The following PSMG3 variants were observed in gnomAD, a reference collection of about 807,000 sequenced individuals.
PSMG3 encodes the protein PAC-3.
A neutral mutation model predicts 7.9 loss-of-function variants in PSMG3; 4 were observed. The ratio of observed to expected loss-of-function variants is 0.51; its 90% CI spans 0.25 to 1.16. PSMG3 has a LOEUF of 1.16. Among genes scored for constraint, PSMG3 ranks in the 50% most tolerant of loss-of-function variants. The probability of loss-of-function intolerance (pLI) is 0.15; values close to 1 mark genes in which losing one functional copy is unlikely to be tolerated. For synonymous variants in PSMG3, 81 were observed against 69.8 expected, an observed-to-expected ratio of 1.16 and a Z score of -0.80; for missense variants, 151 against 157.4, an observed-to-expected ratio of 0.96 and a Z score of 0.22.
In PSMG3 at chr7:1,567,380, A is replaced by G. The variant is rs956784036; in HGVS notation, c.*318T>C. On this transcript the variant is annotated 3_prime_UTR_variant, in exon 2 of 2. Coordinates refer to ENST00000288607, the MANE Select transcript of PSMG3 (RefSeq NM_032302.4). The stretch of plus-strand genomic sequence containing the variant: ...AATAAAAAAGAAATTTCCTCCTACA[A>G]TTGATCCTGCACACGGGGGGGCCAT... 1.1e-5 allele frequency: 3 copies of G among 273,358 alleles called. No individual in the cohort carries two copies. The highest frequency in any genetic ancestry group is 1.0e-3 in the Middle Eastern group (1 of 980). 16.9% of individuals were successfully genotyped at this position (273,358 alleles called of 1,614,324 possible).
Position 1,567,594 on chromosome 7 carries a change from A to G in PSMG3, c.*104T>C. The G allele has an allele frequency of 8.2e-7, 1 of 1,214,348 alleles. No homozygotes were observed. The highest frequency in any genetic ancestry group is 1.1e-6 in the Non-Finnish European group (1 of 872,188). The allele number at this position is 1,214,348 out of a possible 1,614,324, so 75.2% of individuals were successfully genotyped here. A position where few individuals can be genotyped will look rare whatever the true frequency, so the allele number is the denominator to read the frequency against. ...TTTCCTGGCTCCAAGGGCTAGTGCCAAAGTTCCTCCCTCCACCGGGGAGGG... is the reference window on the plus strand; with the variant it reads ...TTTCCTGGCTCCAAGGGCTAGTGCCGAAGTTCCTCCCTCCACCGGGGAGGG... On this transcript the variant is annotated 3_prime_UTR_variant, in exon 2 of 2. Transcript: ENST00000288607.
At position 1,567,853 on chromosome 7, in the gene PSMG3, G is replaced by A. The variant is rs368414635; in HGVS notation, c.217-3C>T. The stretch of plus-strand genomic sequence containing the variant: ...TTTGCAAAGACATGGATGAGAGGCT[G>A]GTAAAGGAAGGAGAAGAAACCATTT... On this transcript the variant is annotated splice_region_variant and splice_polypyrimidine_tract_variant and intron_variant, in intron 1 of 1. Transcript: ENST00000288607. 6 of 1,611,194 alleles carry A rather than the reference G, an allele frequency of 3.7e-6. No individual in the cohort carries two copies. Among genetic ancestry groups the A allele is most frequent in the Non-Finnish European group, 5.1e-6 (6 of 1,179,108 alleles).
Position 1,569,467 on chromosome 7 carries a change from A to C in PSMG3, c.-128T>G. The C allele has an allele frequency of 1.3e-6, 1 of 775,978 alleles. No homozygotes were observed. The allele number at this position is 775,978 out of a possible 1,614,324, so 48.1% of individuals were successfully genotyped here. ...GGGGCATTGAAACGGAAACGCAAGG[A>C]GGCCCATTCAAAAGAAGGGGCCAGG... is the stretch of plus-strand genomic sequence containing the variant. On this transcript the variant is annotated 5_prime_UTR_variant, in exon 1 of 2. Transcript: ENST00000288607.
rs1778795263 is a variant in PSMG3 at position 1,567,483 on chromosome 7, C to G, written c.*215G>C. On this transcript the variant is annotated 3_prime_UTR_variant, in exon 2 of 2. Coordinates refer to ENST00000288607, the MANE Select transcript of PSMG3 (RefSeq NM_032302.4). Reference sequence around the variant, plus strand: ...AGGTCCTGGTGAGAACCATTCACGACTCCTCCGGGACCTGTTCCACCCTCC... The same window carrying G: ...AGGTCCTGGTGAGAACCATTCACGAGTCCTCCGGGACCTGTTCCACCCTCC... 2.2e-6 allele frequency: 1 copy of G among 453,602 alleles called. No individual in the cohort carries two copies. The allele number at this position is 453,602 out of a possible 1,614,324, so 28.1% of individuals were successfully genotyped here.
Position 1,568,537 on chromosome 7 carries a change from C to T in PSMG3, c.216+587G>A, listed in dbSNP as rs369146643. On this transcript the variant is annotated intron_variant, in intron 1 of 1. Coordinates refer to ENST00000288607, the MANE Select transcript of PSMG3 (RefSeq NM_032302.4). ...CTGGAGCGCAGTGGCACAATCATGG[C>T]TCACTGCAGCCTCAACCTCCAGGGC... Among the ~76,000 whole-genome samples the T allele has an allele frequency of 1.6e-4, 24 of 152,022 alleles. No individual in the cohort carries two copies. In the East Asian group the frequency reaches 4.5e-3, roughly 28 times the overall value.
Position 1,567,603 on chromosome 7 carries a change from C to A in PSMG3, c.*95G>T. ...TCCAAGGGCTAGTGCCAAAGTTCCT[C>A]CCTCCACCGGGGAGGGAGGTGAGAC... On this transcript the variant is annotated 3_prime_UTR_variant, in exon 2 of 2. Coordinates refer to ENST00000288607, the MANE Select transcript of PSMG3 (RefSeq NM_032302.4). 1 of 1,303,804 alleles carries A rather than the reference C, an allele frequency of 7.7e-7. No individual in the cohort carries two copies. The highest frequency in any genetic ancestry group is 1.4e-5 in the South Asian group (1 of 69,564). The allele number at this position is 1,303,804 out of a possible 1,614,324, so 80.8% of individuals were successfully genotyped here.
Position 1,567,612 on chromosome 7 carries a change from G to A in PSMG3, c.*86C>T, listed in dbSNP as rs984687374. The A allele has an allele frequency of 5.6e-5, 78 of 1,383,208 alleles. No individual in the cohort carries two copies. Among genetic ancestry groups the A allele is most frequent in the Admixed American group, 9.2e-5 (4 of 43,668 alleles). The allele number at this position is 1,383,208 out of a possible 1,614,324, so 85.7% of individuals were successfully genotyped here. On this transcript the variant is annotated 3_prime_UTR_variant, in exon 2 of 2. Transcript: ENST00000288607. ...TAGTGCCAAAGTTCCTCCCTCCACC[G>A]GGGAGGGAGGTGAGACTTGAGTCCC...
Position 1,567,878 on chromosome 7 carries a change from T to G in PSMG3, c.217-28A>C, listed in dbSNP as rs753022845. The G allele has an allele frequency of 2.5e-6, 4 of 1,605,580 alleles. No individual in the cohort carries two copies. In the African/African-American group the frequency reaches 5.4e-5, roughly 22 times the overall value. ...GGTAAAGGAAGGAGAAGAAACCATT[T>G]TAACTGCAAGAAACCTGGTTTTTTC... is the stretch of plus-strand genomic sequence containing the variant. On this transcript the variant is annotated intron_variant, in intron 1 of 1. Transcript: ENST00000288607.
In PSMG3 at chr7:1,567,554, G is replaced by A; in HGVS notation, c.*144C>T. On this transcript the variant is annotated 3_prime_UTR_variant, in exon 2 of 2. Transcript: ENST00000288607. Reference sequence around the variant, plus strand: ...TAGTAACCAGAGTAAGAGTCTGCCTGAGACACGAGTCTTTTTTCCTGGCTC... The same window carrying A: ...TAGTAACCAGAGTAAGAGTCTGCCTAAGACACGAGTCTTTTTTCCTGGCTC... 1.4e-6 allele frequency: 1 copy of A among 734,472 alleles called. No individual in the cohort carries two copies. The highest frequency in any genetic ancestry group is 2.2e-6 in the Non-Finnish European group (1 of 448,570). 45.5% of individuals were successfully genotyped at this position (734,472 alleles called of 1,614,324 possible). A position where few individuals can be genotyped will look rare whatever the true frequency, so the allele number is the denominator to read the frequency against.
chr7:1,569,736 A>C lies in PSMG3; in HGVS notation c.-397T>G. ...GCCGTGATCACACCATTGCATTACA[A>C]CCCGGGCGGTAGAGCGAGACCCTGT... On this transcript the variant is annotated 5_prime_UTR_variant, in exon 1 of 2. Coordinates refer to ENST00000288607, the MANE Select transcript of PSMG3 (RefSeq NM_032302.4). 1 of 166,978 alleles carries C rather than the reference A, an allele frequency of 6.0e-6. No homozygotes were observed. The highest frequency in any genetic ancestry group is 6.0e-5 in the Admixed American group (1 of 16,622). 10.3% of individuals were successfully genotyped at this position (166,978 alleles called of 1,614,324 possible). A position where few individuals can be genotyped will look rare whatever the true frequency, so the allele number is the denominator to read the frequency against.
chr7:1,567,658 C>A lies in PSMG3; in HGVS notation c.*40G>T, dbSNP rs1347383830. The A allele has an allele frequency of 6.3e-7, 1 of 1,580,198 alleles. No individual in the cohort carries two copies. The highest frequency in any genetic ancestry group is 1.4e-5 in the African/African-American group (1 of 73,894). On this transcript the variant is annotated 3_prime_UTR_variant, in exon 2 of 2. Transcript: ENST00000288607. ...GTCCCTGAGTGGGTGTCTGGGTGTT[C>A]ACGTGTCCTGCTGAGCAGCGCGGGG... is the stretch of plus-strand genomic sequence containing the variant.
intron 1 of PSMG3, 68 bp from the exon 2 acceptor site, chr7:1,567,918 G>A (rs1778805495): frequency 2.6e-6 from 4 of 1,527,222 alleles, no homozygotes; most frequent in African/African-American, 2.8e-5. Context: ...ATGCTTTCAT[G>A]AAGTATCCCT....
intron 1 of PSMG3, among the ~76,000 whole-genome samples, 156 bp downstream of exon 1, chr7:1,568,953 CTATATATATATTTTG>C (rs1218245314): frequency 6.6e-5 from 10 of 152,008 alleles, no homozygotes; most frequent in Non-Finnish European, 1.3e-4. Context: ...CAGCCTCTCT[CTATATATATATTTTG>C]TGTAGGCACT....
Position 1,569,130 on chromosome 7 carries a change from C to T in PSMG3, c.210G>A (p.Gln70=), listed in dbSNP as rs1250574802. The T allele has an allele frequency of 6.2e-7, 1 of 1,613,292 alleles. No homozygotes were observed. The change falls in exon 1 of 2, where the codon CAG becomes CAA. Residue 70 remains glutamine (Q), a synonymous_variant. Coordinates refer to ENST00000288607, the MANE Select transcript of PSMG3 (RefSeq NM_032302.4). ...PVLTTKVLLG[Q]DEPLIHVFAK... Reference sequence around the variant, plus strand: ...CCCGGCCAATCCACTTTACCTCATCCTGCCCCAGAAGGACTTTTGTGGTGA... The same window carrying T: ...CCCGGCCAATCCACTTTACCTCATCTTGCCCCAGAAGGACTTTTGTGGTGA...
intron 1 of PSMG3, among the ~76,000 whole-genome samples, chr7:1,568,876 G>A (rs1421821202): frequency 1.3e-5 from 2 of 152,186 alleles, no homozygotes; most frequent in Admixed American, 1.3e-4. Context: ...TGGAACTTCT[G>A]ACCTTAAGTG....
chr7:1,568,740 C>G (rs867550126), intron 1 of PSMG3, among the ~76,000 whole-genome samples: 1 of 152,064 alleles, frequency 6.6e-6, no homozygotes, highest in Admixed American at 6.6e-5. Context: ...CTCCGCCTCT[C>G]GGGTTCAAGC....
chr7:1,569,361 C>G lies in PSMG3; in HGVS notation c.-22G>C, dbSNP rs1778836064. On this transcript the variant is annotated 5_prime_UTR_variant, in exon 1 of 2. Coordinates refer to ENST00000288607, the MANE Select transcript of PSMG3 (RefSeq NM_032302.4). ...CCATGGCGGGGCTCTGCAGTGGCAG[C>G]TTTAATTTAGGTTAAAAAGAAAGGG... 6.4e-7 allele frequency: 1 copy of G among 1,563,098 alleles called. No homozygotes were observed. Among genetic ancestry groups the G allele is most frequent in the Non-Finnish European group, 8.7e-7 (1 of 1,150,594 alleles).
intron 1 of PSMG3, among the ~76,000 whole-genome samples, chr7:1,568,751 G>A (rs1289839458): frequency 1.3e-5 from 2 of 152,036 alleles, no homozygotes; most frequent in Non-Finnish European, 2.9e-5. Flanking sequence ...GGGTTCAAGC[G>A]ATTCTTCTGC....
In PSMG3 at chr7:1,567,646, T is replaced by A. The variant is rs1208390390; in HGVS notation, c.*52A>T. On this transcript the variant is annotated 3_prime_UTR_variant, in exon 2 of 2. Coordinates refer to ENST00000288607, the MANE Select transcript of PSMG3 (RefSeq NM_032302.4). ...GGTGAGACTTGAGTCCCTGAGTGGG[T>A]GTCTGGGTGTTCACGTGTCCTGCTG... is the stretch of plus-strand genomic sequence containing the variant. The A allele has an allele frequency of 6.4e-7, 1 of 1,552,450 alleles. No individual in the cohort carries two copies. The highest frequency in any genetic ancestry group is 8.7e-7 in the Non-Finnish European group (1 of 1,146,404).
Sources: gnomAD v4.1 joint callset for allele counts (sites outside exome capture counted in the v4.1 genomes callset) on GRCh38, gnomAD v4.1.1 for gene constraint, MANE v1.5 for transcripts, NCBI Gene and HGNC (gene_info 2026-07-23, HGNC 2026-07-21) for gene names.